SCGB2B2: variants seen among roughly 807,000 people sequenced by gnomAD.
SCGB2B2 encodes secretoglobin-like protein.
SCGB2B2 carries 11 observed loss-of-function variants against 7.6 expected under a neutral mutation model. The observed-to-expected ratio is 1.45, with a 90% CI of 0.91 to 2.40. The LOEUF is 2.40. SCGB2B2 is among the 30% of genes most tolerant of loss of function. The pLI, the probability that SCGB2B2 is intolerant of heterozygous loss-of-function variation, is 0.00. For missense variants in SCGB2B2, 104 were observed against 115.4 expected (o/e 0.90, Z 0.45); for synonymous variants, 50 against 48.6 (o/e 1.03, Z -0.12).
At chr19:34,637,182 G>A (rs1471810147) in intron 1 of SCGB2B2, among the ~76,000 whole-genome samples, 2 of 152,128 alleles carry the variant, frequency 1.3e-5, no homozygotes, top group Non-Finnish European at 2.9e-5. Flanking sequence ...CAATGATTCT[G>A]CATAGTCACT....
At position 34,672,032 on chromosome 19, in the gene SCGB2B2, C is replaced by T. The variant is rs374462065; in HGVS notation, c.-2032+3598G>A. Among the ~76,000 whole-genome samples, 35 of 152,214 alleles carry T rather than the reference C, an allele frequency of 2.3e-4. No individual in the cohort carries two copies. The East Asian group carries it at 3.3e-3, about 14-fold the overall frequency. On this transcript the variant is annotated intron_variant, in intron 1 of 3. Transcript: ENST00000601241. ...GGTGCACTCCCATATTCCAAACTACCTTGGAGGCTGAAGCGAGTGAACTGC... is the reference window on the plus strand; with the variant it reads ...GGTGCACTCCCATATTCCAAACTACTTTGGAGGCTGAAGCGAGTGAACTGC...
chr19:34,628,510 A>T (rs1280986448), intron 1 of SCGB2B2, among the ~76,000 whole-genome samples: 1 of 151,986 alleles, frequency 6.6e-6, no homozygotes, highest in Non-Finnish European at 1.5e-5. Context: ...TAAACTAGCA[A>T]ATCTAGAAGA....
intron 1 of SCGB2B2, chr19:34,635,692 CT>C: frequency 5.3e-6 from 1 of 189,354 alleles, no homozygotes. Flanking sequence ...CTGTGATACC[CT>C]TCTCCAATGT....
At chr19:34,586,717 C>A (rs1385972438), downstream of SCGB2B2, among the ~76,000 whole-genome samples, 2 of 152,178 alleles carry the variant, frequency 1.3e-5, no homozygotes. Context: ...TGTCTGGAAT[C>A]TCAAGCACTA....
chr19:34,589,955 G>A (rs1307542202), downstream of SCGB2B2, among the ~76,000 whole-genome samples: 4 of 152,158 alleles, frequency 2.6e-5, no homozygotes, highest in Non-Finnish European at 5.9e-5. Context: ...CTAGAGGAAG[G>A]AGGCAGCTGC....
At chr19:34,647,891 C>A (rs1053815383) in intron 1 of SCGB2B2, among the ~76,000 whole-genome samples, 2 of 152,172 alleles carry the variant, frequency 1.3e-5, no homozygotes, top group Admixed American at 1.3e-4. Context: ...AGACATCTCC[C>A]GAGTCCTGAA....
chr19:34,650,728 T>C (rs1487780234), intron 1 of SCGB2B2, among the ~76,000 whole-genome samples: 1 of 151,146 alleles, frequency 6.6e-6, no homozygotes, highest in African/African-American at 2.5e-5. Context: ...AATTGAAGAG[T>C]ACGGAATTCT....
At chr19:34,639,021 T>G (rs182072072) in intron 1 of SCGB2B2, among the ~76,000 whole-genome samples, 19 of 152,322 alleles carry the variant, frequency 1.2e-4, no homozygotes, top group African/African-American at 1.7e-4. Context: ...ACAGCTCTCC[T>G]AAGACCATGG....
Position 34,597,154 on chromosome 19 carries a change from T to C in SCGB2B2, c.-2031-560A>G, listed in dbSNP as rs185344814. Among the ~76,000 whole-genome samples the C allele has an allele frequency of 4.3e-4, 66 of 152,034 alleles. 1 individual carries two copies. The East Asian group carries it at 8.5e-3, about 20-fold the overall frequency. ...CCCAGCCACTCACCTGTGACTCCCATCAGCCCCACCACATGTGGGTCCTCA... is the reference window on the plus strand; with the variant it reads ...CCCAGCCACTCACCTGTGACTCCCACCAGCCCCACCACATGTGGGTCCTCA... On this transcript the variant is annotated intron_variant, in intron 1 of 3. Transcript: ENST00000601241.
intron 1 of SCGB2B2, among the ~76,000 whole-genome samples, chr19:34,673,257 CAA>C (rs1160842501): frequency 6.6e-6 from 1 of 152,172 alleles, no homozygotes; most frequent in Non-Finnish European, 1.5e-5. Flanking sequence ...TTTTCTTTCT[CAA>C]GTGTCTGGCA....
At chr19:34,603,004 G>T (rs2065674526) in intron 1 of SCGB2B2, among the ~76,000 whole-genome samples, 1 of 152,044 alleles carries the variant, frequency 6.6e-6, no homozygotes, top group Non-Finnish European at 1.5e-5. Flanking sequence ...GAACTTTCCA[G>T]AAAAGCTATC....
chr19:34,608,322 A>G (rs1333892857), intron 1 of SCGB2B2, among the ~76,000 whole-genome samples: 1 of 151,904 alleles, frequency 6.6e-6, no homozygotes, highest in Non-Finnish European at 1.5e-5. Flanking sequence ...CTGCAACATT[A>G]CTAGACTTAT....
intron 1 of SCGB2B2, among the ~76,000 whole-genome samples, chr19:34,661,640 CTA>C (rs201588004): frequency 0.013 from 2,040 of 152,288 alleles, 27 homozygotes; most frequent in East Asian, 0.038. Flanking sequence ...CAGAAGCAAA[CTA>C]TGTCCCTCTA....
chr19:34,658,405 AT>A (rs1213825589), intron 1 of SCGB2B2, among the ~76,000 whole-genome samples: 8 of 152,190 alleles, frequency 5.3e-5, no homozygotes, highest in Non-Finnish European at 1.2e-4. Context: ...CAATAAAAAA[AT>A]GATAAAGGGG....
At chr19:34,652,382 A>G (rs2067184678) in intron 1 of SCGB2B2, among the ~76,000 whole-genome samples, 2 of 151,402 alleles carry the variant, frequency 1.3e-5, no homozygotes, top group African/African-American at 2.5e-5. Context: ...AAAAAATTGT[A>G]AACTATTCAT....
chr19:34,604,250 T>C (rs1324186050), intron 1 of SCGB2B2, among the ~76,000 whole-genome samples: 2 of 152,198 alleles, frequency 1.3e-5, no homozygotes, highest in African/African-American at 4.8e-5. Flanking sequence ...ATTTGGACAA[T>C]GGGATGTTAG....
chr19:34,645,739 C>T, intron 1 of SCGB2B2: 1 of 387,444 alleles, frequency 2.6e-6, no homozygotes. Context: ...AAGAAGCGGG[C>T]AGGGCTGAGA....
intron 1 of SCGB2B2, chr19:34,646,017 T>C (rs2067002004): frequency 8.5e-5 from 27 of 317,582 alleles, no homozygotes; most frequent in South Asian, 7.3e-4. Context: ...GTTCTAGCAA[T>C]GCTTTGCCTC....
chr19:34,594,243 A>G lies in SCGB2B2; in HGVS notation c.178T>C (p.Phe60Leu). 6.2e-7 allele frequency: 1 copy of G among 1,614,060 alleles called. No homozygotes were observed. The highest frequency in any genetic ancestry group is 1.7e-5 in the Admixed American group (1 of 60,024). Residue 60 changes from phenylalanine to leucine, a missense_variant, in exon 3 of 4, where the codon TTC becomes CTC. Coordinates refer to ENST00000601241, the MANE Select transcript of SCGB2B2 (RefSeq NM_001025591.4). ...GCAAAGCATTGCTGGACATTGAGGA[A>G]GGACTCCTCTGTCAGGGGACTGGGG... ...YNPSPLTEES[F>L]LNVQQCFANV...
Sources: allele counts gnomAD v4.1 joint callset (sites outside exome capture counted in the v4.1 genomes callset), GRCh38; gene constraint gnomAD v4.1.1; transcripts MANE v1.5; gene names NCBI Gene and HGNC (gene_info 2026-07-23, HGNC 2026-07-21).